ANKRD13A: variants seen among roughly 807,000 people sequenced by gnomAD.
ANKRD13A encodes the protein ankyrin repeat domain 13A, also known as ankyrin repeat domain-containing protein 13A.
In ANKRD13A, 48 loss-of-function variants were observed where a neutral mutation model predicts 81.3. The ratio of observed to expected loss-of-function variants is 0.59; its 90% confidence interval spans 0.47 to 0.75. The LOEUF (loss-of-function observed/expected upper bound fraction) is 0.75. Ranked by LOEUF, ANKRD13A falls within the 30% of genes least tolerant of loss-of-function variation. The pLI is 0.00. For missense variants in ANKRD13A, 612 were observed against 734.0 expected (o/e 0.83, Z 1.92); for synonymous variants, 230 against 270.1 (o/e 0.85, Z 1.45).
At chr12:110,007,611 C>A (rs529154443) in intron 1 of ANKRD13A, among the ~76,000 whole-genome samples, 62 of 152,278 alleles carry the variant, frequency 4.1e-4, no homozygotes, top group African/African-American at 1.5e-3. Flanking sequence ...AACTCCCGAC[C>A]TCAGGTGATC....
chr12:110,036,311 T>A lies in ANKRD13A; in HGVS notation c.1560T>A (p.Tyr520Ter). The change falls in exon 14 of 15, where the codon TAT becomes TAA. Residue 520 changes from tyrosine (Y) to a stop codon, truncating the protein, a stop_gained. Transcript: ENST00000261739. LOFTEE classifies it high-confidence loss of function. The surrounding 1 kb of genome is among the most constrained non-coding windows in gnomAD (Gnocchi z 4.6). ...GAGGGATCAGCCAGACAAACACCTA[T>A]GACGCCCAGTATGAGAGGTGATTGA... ...SNGGISQTNT[Y>*]DAQYERAIQE... 6.2e-7 allele frequency: 1 copy of A among 1,613,998 alleles called. No homozygotes were observed. Among genetic ancestry groups the A allele is most frequent in the Non-Finnish European group, 8.5e-7 (1 of 1,179,908 alleles).
chr12:110,027,566 T>C, intron 8 of ANKRD13A, 139 bp from the exon 9 acceptor site: 1 of 770,860 alleles, frequency 1.3e-6, no homozygotes, highest in Non-Finnish European at 2.3e-6. Flanking sequence ...TTTATGGTTA[T>C]TGTGAATGAT....
intron 5 of ANKRD13A, 31 bp from the exon 6 acceptor site, chr12:110,019,108 C>A: frequency 6.5e-7 from 1 of 1,540,616 alleles, no homozygotes. Flanking sequence ...CCCTACTTTG[C>A]ACTTAGTTAT....
intron 1 of ANKRD13A, among the ~76,000 whole-genome samples, chr12:110,002,117 A>G (rs1435137311): frequency 1.3e-5 from 2 of 152,148 alleles, no homozygotes; most frequent in Non-Finnish European, 2.9e-5. Flanking sequence ...TACTTCTTTC[A>G]GTAAAAATGA....
chr12:109,999,926 T>C lies in ANKRD13A; in HGVS notation c.96+142T>C. On this transcript the variant is annotated intron_variant, in intron 1 of 14. Coordinates refer to ENST00000261739, the MANE Select transcript of ANKRD13A (RefSeq NM_033121.2). The surrounding 1 kb of genome is among the most constrained non-coding windows in gnomAD (Gnocchi z 4.3). ...CTTTGCAGGTGTGGGACAGTCCTAA[T>C]AATAGGACACGTATCGAGTGCTTAC... The C allele has an allele frequency of 1.6e-6, 1 of 628,260 alleles. No individual in the cohort carries two copies. Among genetic ancestry groups the C allele is most frequent in the Non-Finnish European group, 2.5e-6 (1 of 397,662 alleles). The allele number at this position is 628,260 out of a possible 1,614,324, so 38.9% of individuals were successfully genotyped here.
intron 11 of ANKRD13A, among the ~76,000 whole-genome samples, chr12:110,030,269 C>T (rs142275624): frequency 6.7e-4 from 101 of 151,846 alleles, no homozygotes; most frequent in African/African-American, 2.0e-3. Flanking sequence ...TGGGTTCAAG[C>T]GATTTTCCTG....
intron 12 of ANKRD13A, among the ~76,000 whole-genome samples, chr12:110,031,340 GT>G (rs1891677098): frequency 1.3e-5 from 2 of 151,598 alleles, no homozygotes; most frequent in Admixed American, 1.3e-4. Context: ...CTCATTTTAA[GT>G]GTGATGGTTC....
intron 3 of ANKRD13A, among the ~76,000 whole-genome samples, chr12:110,014,604 C>A (rs1330910663): frequency 2.0e-5 from 3 of 152,128 alleles, no homozygotes; most frequent in African/African-American, 7.2e-5. Flanking sequence ...CTCCTTATAA[C>A]ATACATCAGC....
intron 3 of ANKRD13A, among the ~76,000 whole-genome samples, chr12:110,014,949 A>C (rs888626737): frequency 6.6e-6 from 1 of 151,420 alleles, no homozygotes; most frequent in African/African-American, 2.4e-5. Context: ...GCGCCCGGCT[A>C]ATTTTTTTTT....
chr12:110,010,149 G>C (rs896112724), intron 1 of ANKRD13A, among the ~76,000 whole-genome samples: 1 of 152,188 alleles, frequency 6.6e-6, no homozygotes, highest in Non-Finnish European at 1.5e-5. Context: ...TTACAGGCAT[G>C]AGCCACCGCG....
chr12:110,024,201 G>A lies in ANKRD13A; in HGVS notation c.801+89G>A, dbSNP rs561650928. On this transcript the variant is annotated intron_variant, in intron 7 of 14. Coordinates refer to ENST00000261739, the MANE Select transcript of ANKRD13A (RefSeq NM_033121.2). ...CTGTTCCCATTTTTTTCATGCATCT[G>A]TGCCATGGAGATGCTCTGGGGAATG... 18 of 1,131,332 alleles carry A rather than the reference G, an allele frequency of 1.6e-5. No homozygotes were observed. In the South Asian group the frequency reaches 2.7e-4, roughly 17 times the overall value. 70.1% of individuals were successfully genotyped at this position (1,131,332 alleles called of 1,614,324 possible).
intron 10 of ANKRD13A, 42 bp downstream of exon 10, chr12:110,028,684 C>T (rs1891493747): frequency 6.2e-7 from 1 of 1,602,102 alleles, no homozygotes; most frequent in Non-Finnish European, 8.5e-7. Context: ...ATGTATGTTT[C>T]AGAAATTGTG....
chr12:110,033,909 A>G lies in ANKRD13A; in HGVS notation c.1461A>G (p.Ile487Met). Reference protein sequence around the residue: ...NVHLQDEDYEIMQFAIQQSLL... With the variant: ...NVHLQDEDYEMMQFAIQQSLL... ...ATTTGCAAGATGAAGATTACGAGAT[A>G]ATGCAGTTTGCCATCCAGCAAAGTC... The change falls in exon 13 of 15, where the codon ATA becomes ATG. Residue 487 changes from isoleucine (I) to methionine (M), a missense_variant. Physicochemically the swap from Ile to Met is conservative, Grantham distance 10. Coordinates refer to ENST00000261739, the MANE Select transcript of ANKRD13A (RefSeq NM_033121.2). 1.6e-5 allele frequency: 25 copies of G among 1,612,808 alleles called. No individual in the cohort carries two copies. The highest frequency in any genetic ancestry group is 2.1e-5 in the Non-Finnish European group (25 of 1,179,450).
At chr12:110,009,268 A>T (rs992997415) in intron 1 of ANKRD13A, among the ~76,000 whole-genome samples, 25 of 152,048 alleles carry the variant, frequency 1.6e-4, no homozygotes, top group Admixed American at 1.3e-4. Flanking sequence ...TTTAGTAGAG[A>T]CGGGGTTTCT....
In ANKRD13A at chr12:110,013,292, C is replaced by T. The variant is rs182870560; in HGVS notation, c.354+43C>T. On this transcript the variant is annotated intron_variant, in intron 3 of 14. Transcript: ENST00000261739. ...GCCAGGCCATAATCTGAGCTAAATGCTGATACAATTACTGGAGACACAGTT... is the reference window on the plus strand; with the variant it reads ...GCCAGGCCATAATCTGAGCTAAATGTTGATACAATTACTGGAGACACAGTT... 11 of 1,609,442 alleles carry T rather than the reference C, an allele frequency of 6.8e-6. No homozygotes were observed. The Admixed American group carries it at 1.9e-4, about 27-fold the overall frequency.
At chr12:110,022,717 C>T (rs1255918489) in intron 6 of ANKRD13A, among the ~76,000 whole-genome samples, 1 of 152,202 alleles carries the variant, frequency 6.6e-6, no homozygotes, top group Non-Finnish European at 1.5e-5. Flanking sequence ...AAAAGGCTAT[C>T]TCGATTTTCT....
At chr12:110,025,917 T>A in intron 8 of ANKRD13A, 94 bp downstream of exon 8, 1 of 1,089,064 alleles carries the variant, frequency 9.2e-7, no homozygotes, top group Non-Finnish European at 1.4e-6. Context: ...AGGGTTAATG[T>A]GATTGGGTTG....
chr12:110,037,077 CTA>C (rs1204335584), intron 14 of ANKRD13A, among the ~76,000 whole-genome samples: 5 of 152,196 alleles, frequency 3.3e-5, no homozygotes, highest in Non-Finnish European at 5.9e-5. Flanking sequence ...CTTAAGGTGT[CTA>C]TGAGAGCCTG....
chr12:110,025,719 T>A, intron 7 of ANKRD13A, 23 bp from the exon 8 acceptor site: 1 of 1,579,706 alleles, frequency 6.3e-7, no homozygotes, highest in African/African-American at 1.4e-5. Flanking sequence ...GTGTCACTGT[T>A]TTCTTTCGCA....
Sources: allele counts gnomAD v4.1 joint callset (sites outside exome capture counted in the v4.1 genomes callset), GRCh38; gene constraint gnomAD v4.1.1; non-coding constraint Gnocchi (gnomAD v3.1); transcripts MANE v1.5; gene names NCBI Gene and HGNC (gene_info 2026-07-23, HGNC 2026-07-21).